Variants in RBFOX1 observed in about 807,000 individuals in gnomAD.
RBFOX1 encodes the protein RNA binding protein fox-1 homolog 1.
In RBFOX1, 8 loss-of-function variants were observed where a neutral mutation model predicts 57.7. The ratio of observed to expected loss-of-function variants is 0.14; its 90% confidence interval spans 0.08 to 0.25. The LOEUF is 0.25. Ranked by LOEUF, RBFOX1 falls within the 10% of genes least tolerant of loss-of-function variation. The pLI, the probability that RBFOX1 is intolerant of heterozygous loss-of-function variation, is 1.00. For missense variants in RBFOX1, 611 were observed against 548.5 expected (o/e 1.11, Z -1.14); for synonymous variants, 326 against 222.4 (o/e 1.47, Z -4.15).
At chr16:7,188,002 G>A (rs974545434) in intron 4 of RBFOX1, among the ~76,000 whole-genome samples, 1 of 152,188 alleles carries the variant, frequency 6.6e-6, no homozygotes, top group Admixed American at 6.5e-5. Context: ...CTGTGTGCTA[G>A]CCATAGTTAT....
chr16:5,492,108 C>A (rs566582076), intron 2 of RBFOX1, among the ~76,000 whole-genome samples: 1 of 152,174 alleles, frequency 6.6e-6, no homozygotes, highest in Non-Finnish European at 1.5e-5. Flanking sequence ...GTCAGAAACA[C>A]CAGGGCTGAG....
At chr16:5,736,783 A>ATGTGTCTG in intron 3 of RBFOX1, among the ~76,000 whole-genome samples, 1 of 146,060 alleles carries the variant, frequency 6.8e-6, no homozygotes, top group East Asian at 2.0e-4. Context: ...CCATCTGTTT[A>ATGTGTCTG]TGTGTCTGTG....
intron 3 of RBFOX1, among the ~76,000 whole-genome samples, chr16:6,729,280 C>T (rs572629189): frequency 5.9e-5 from 9 of 152,090 alleles, no homozygotes; most frequent in South Asian, 2.1e-4. Flanking sequence ...TGGGACCTGA[C>T]GATCAAGATT....
chr16:5,256,533 C>T (rs192478639), intron 1 of RBFOX1, among the ~76,000 whole-genome samples: 1 of 152,276 alleles, frequency 6.6e-6, no homozygotes, highest in Admixed American at 6.5e-5. Flanking sequence ...GATGAGAGCT[C>T]TTTGAAAATG....
At chr16:5,280,047 C>T (rs1289329398) in intron 1 of RBFOX1, among the ~76,000 whole-genome samples, 1 of 152,152 alleles carries the variant, frequency 6.6e-6, no homozygotes, top group Non-Finnish European at 1.5e-5. Flanking sequence ...CAATTTTTCT[C>T]AGTGAGTAGG....
chr16:6,157,533 C>A (rs890317855), intron 1 of RBFOX1, among the ~76,000 whole-genome samples: 2 of 152,202 alleles, frequency 1.3e-5, no homozygotes, highest in African/African-American at 4.8e-5. Flanking sequence ...GGACTACATG[C>A]TTTTTATCAT....
chr16:7,145,138 C>A (rs2074678537), intron 4 of RBFOX1, among the ~76,000 whole-genome samples: 1 of 152,140 alleles, frequency 6.6e-6, no homozygotes, highest in South Asian at 2.1e-4. Flanking sequence ...GATGGTTTTG[C>A]TGCAAGCAGG....
In RBFOX1 at chr16:6,568,837, C is replaced by T. The variant is rs1046024307; in HGVS notation, c.-63-85766C>T. ...AGGCTGGAGTGCAGTGGCGCGATCT[C>T]GGCTCACTGCAACCTCCGCCTCCTG... is the stretch of plus-strand genomic sequence containing the variant. On this transcript the variant is annotated intron_variant, in intron 2 of 15. Transcript: ENST00000550418. Among the ~76,000 whole-genome samples the T allele has an allele frequency of 5.9e-5, 9 of 152,194 alleles. No homozygotes were observed. The East Asian group carries it at 1.5e-3, about 26-fold the overall frequency.
chr16:6,561,210 G>T (rs1408438838), intron 2 of RBFOX1, among the ~76,000 whole-genome samples: 2 of 152,124 alleles, frequency 1.3e-5, no homozygotes, highest in African/African-American at 4.8e-5. Flanking sequence ...GACTGGAAAG[G>T]TTCCCTGCTG....
chr16:5,983,114 C>G (rs909989615), intron 4 of RBFOX1, among the ~76,000 whole-genome samples: 2 of 152,158 alleles, frequency 1.3e-5, no homozygotes, highest in African/African-American at 2.4e-5. Context: ...ATCTCCGTCT[C>G]TCCAATTAAC....
intron 1 of RBFOX1, among the ~76,000 whole-genome samples, chr16:6,169,514 G>A (rs1447298274): frequency 6.6e-6 from 1 of 152,258 alleles, no homozygotes; most frequent in East Asian, 1.9e-4. Context: ...GAATCAGGCA[G>A]CCCCCAGAAT....
chr16:7,439,629 T>C (rs2098750369), intron 4 of RBFOX1, among the ~76,000 whole-genome samples: 1 of 152,192 alleles, frequency 6.6e-6, no homozygotes, highest in Non-Finnish European at 1.5e-5. Context: ...GCTGCTCAGT[T>C]TTTCCTGAAG....
At chr16:6,706,150 G>T (rs2062708558) in intron 3 of RBFOX1, among the ~76,000 whole-genome samples, 1 of 152,160 alleles carries the variant, frequency 6.6e-6, no homozygotes, top group Non-Finnish European at 1.5e-5. Context: ...TGTTGTGTCA[G>T]GGTTTGTGTT....
chr16:6,248,693 T>A (rs899787117), intron 1 of RBFOX1, among the ~76,000 whole-genome samples: 12 of 152,116 alleles, frequency 7.9e-5, no homozygotes, highest in African/African-American at 2.9e-4. Flanking sequence ...GGTGATTTGA[T>A]ATAGAGGTTA....
In RBFOX1 at chr16:7,087,170, G is replaced by A. The variant is rs79904198; in HGVS notation, c.27+35072G>A. On this transcript the variant is annotated intron_variant, in intron 4 of 15. Transcript: ENST00000550418. ...ATTTAAAGAGATAAAGGGGAAGCCGGGTTGCTGCACATGTTCTTTTCTCTG... is the reference window on the plus strand; with the variant it reads ...ATTTAAAGAGATAAAGGGGAAGCCGAGTTGCTGCACATGTTCTTTTCTCTG... Among the ~76,000 whole-genome samples, 62 of 152,264 alleles carry A rather than the reference G, an allele frequency of 4.1e-4. 2 individuals are homozygous for A. The East Asian group carries it at 9.3e-3, about 23-fold the overall frequency.
chr16:6,819,102 T>G (rs1458101262), intron 3 of RBFOX1, among the ~76,000 whole-genome samples: 1 of 152,172 alleles, frequency 6.6e-6, no homozygotes, highest in Non-Finnish European at 1.5e-5. Context: ...GACTTCCGGT[T>G]TCAGGATCCA....
intron 3 of RBFOX1, among the ~76,000 whole-genome samples, chr16:5,644,112 G>A (rs779272625): frequency 6.6e-6 from 1 of 152,152 alleles, no homozygotes; most frequent in Non-Finnish European, 1.5e-5. Context: ...AACCAAATTA[G>A]CAATTCATAA....
At chr16:7,054,010 C>A (rs922182678) in intron 4 of RBFOX1, among the ~76,000 whole-genome samples, 1 of 151,944 alleles carries the variant, frequency 6.6e-6, no homozygotes, top group Non-Finnish European at 1.5e-5. Context: ...CTAGTTCCCT[C>A]TGGGAGACCC....
chr16:6,384,950 A>G (rs2092140000), intron 2 of RBFOX1, among the ~76,000 whole-genome samples: 1 of 152,150 alleles, frequency 6.6e-6, no homozygotes, highest in African/African-American at 2.4e-5. Context: ...AAACTGCTCC[A>G]TTTCTGTGTA....
Sources: allele counts gnomAD v4.1 joint callset (sites outside exome capture counted in the v4.1 genomes callset), GRCh38; gene constraint gnomAD v4.1.1; transcripts MANE v1.5; gene names NCBI Gene and HGNC (gene_info 2026-07-23, HGNC 2026-07-21).